Variants in SCAF8 observed in about 807,000 individuals in gnomAD.
SCAF8 encodes the protein SR-related CTD associated factor 8, also known as SR-related and CTD-associated factor 8.
A neutral mutation model predicts 140.5 loss-of-function variants in SCAF8; 23 were observed. The ratio of observed to expected loss-of-function variants is 0.16; its 90% confidence interval spans 0.12 to 0.23. SCAF8 has a LOEUF of 0.23. Among genes scored for constraint, SCAF8 ranks in the 10% least tolerant of loss-of-function variants. SCAF8 has a pLI of 1.00. For synonymous variants in SCAF8, 575 were observed against 528.9 expected (o/e 1.09, Z -1.20); for missense variants, 1,397 against 1,555.7 (o/e 0.90, Z 1.72).
At chr6:154,770,583 A>C (rs77159176) in intron 1 of SCAF8, among the ~76,000 whole-genome samples, 1 of 143,480 alleles carries the variant, frequency 7.0e-6, no homozygotes, top group Non-Finnish European at 1.6e-5. Flanking sequence ...GAAGAAGGAG[A>C]AAAAAAAAAA....
chr6:154,794,231 A>G (rs1777519126), intron 5 of SCAF8, among the ~76,000 whole-genome samples: 1 of 152,156 alleles, frequency 6.6e-6, no homozygotes, highest in Non-Finnish European at 1.5e-5. Flanking sequence ...TACCTGGCCC[A>G]AACATGGTTT....
chr6:154,733,406 C>A, upstream of SCAF8: 3 of 1,392,106 alleles, frequency 2.2e-6, no homozygotes, highest in African/African-American at 1.5e-5. Flanking sequence ...CGGCCCGACT[C>A]GAGTCCGCCA....
At position 154,820,139 on chromosome 6, in the gene SCAF8, G is replaced by A. The variant is rs138128797; in HGVS notation, c.1636-38G>A. On this transcript the variant is annotated intron_variant, in intron 14 of 19. Coordinates refer to ENST00000367178, the MANE Select transcript of SCAF8 (RefSeq NM_014892.5). ...TTTACCTTGTTTTTATAGTATGTAT[G>A]TATAACCTTTCTTTTTTCCTCTTCC... 2,502 of 1,514,472 alleles carry A rather than the reference G, an allele frequency of 1.7e-3. 2 individuals carry two copies. The highest frequency in any genetic ancestry group is 4.1e-3 in the Middle Eastern group (23 of 5,656). The allele number at this position is 1,514,472 out of a possible 1,614,324, so 93.8% of individuals were successfully genotyped here.
intron 9 of SCAF8, among the ~76,000 whole-genome samples, chr6:154,806,488 A>G (rs1192029596): frequency 1.3e-5 from 2 of 152,200 alleles, no homozygotes; most frequent in Non-Finnish European, 2.9e-5. Flanking sequence ...ATGAACAGAA[A>G]TGAGGTTGTG....
At chr6:154,793,905 G>GTGTTTGTGTGTA (rs1554261639) in intron 5 of SCAF8, among the ~76,000 whole-genome samples, 2 of 149,334 alleles carry the variant, frequency 1.3e-5, no homozygotes, top group South Asian at 4.2e-4. Context: ...TGTATTTTGT[G>GTGTTTGTGTGTA]TGTGTGTGTG....
At chr6:154,754,948 C>T (rs576985538) in intron 1 of SCAF8, among the ~76,000 whole-genome samples, 1 of 152,278 alleles carries the variant, frequency 6.6e-6, no homozygotes, top group East Asian at 1.9e-4. Context: ...CACAAACTTA[C>T]TTTTAGACTT....
chr6:154,785,695 T>G (rs1184297571), intron 3 of SCAF8, among the ~76,000 whole-genome samples: 1 of 152,216 alleles, frequency 6.6e-6, no homozygotes, highest in Non-Finnish European at 1.5e-5. Context: ...TTAAGGTGTA[T>G]TTGTATATTG....
At chr6:154,779,405 TA>T (rs1211526559) in intron 3 of SCAF8, among the ~76,000 whole-genome samples, 1 of 152,216 alleles carries the variant, frequency 6.6e-6, no homozygotes, top group Non-Finnish European at 1.5e-5. Context: ...GAATTCTTGT[TA>T]AAAATGTGGA....
chr6:154,816,754 G>A (rs1778262594), intron 13 of SCAF8, among the ~76,000 whole-genome samples: 2 of 152,106 alleles, frequency 1.3e-5, no homozygotes, highest in Non-Finnish European at 2.9e-5. Flanking sequence ...TTCCTTAAAT[G>A]GCCAAACTTG....
intron 11 of SCAF8, among the ~76,000 whole-genome samples, chr6:154,809,062 T>A (rs991624356): frequency 6.6e-6 from 1 of 152,178 alleles, no homozygotes; most frequent in Non-Finnish European, 1.5e-5. Flanking sequence ...TAGTTAATAT[T>A]ATGATGACAC....
chr6:154,821,919 T>A (rs1778432018), intron 15 of SCAF8, among the ~76,000 whole-genome samples: 1 of 152,238 alleles, frequency 6.6e-6, no homozygotes, highest in Admixed American at 6.5e-5. Flanking sequence ...GGATTAATAC[T>A]CTCCTAGTTG....
Position 154,801,840 on chromosome 6 carries a change from CT to C in SCAF8, c.607-129del, listed in dbSNP as rs1460125878. The C allele has an allele frequency of 7.2e-6, 4 of 554,622 alleles. No homozygotes were observed. The Admixed American group carries it at 1.2e-4, about 17-fold the overall frequency. The allele number at this position is 554,622 out of a possible 1,614,324, so 34.4% of individuals were successfully genotyped here. A position where few individuals can be genotyped will look rare whatever the true frequency, so the allele number is the denominator to read the frequency against. On this transcript the variant is annotated intron_variant, in intron 6 of 19. Transcript: ENST00000367178. ...ACACAGAAAAACTTCAAAAAATTAA[CT>C]TATTAATAGTGTGTATTTTTTTCAA...
intron 6 of SCAF8, among the ~76,000 whole-genome samples, chr6:154,798,257 T>G (rs1006141866): frequency 2.6e-5 from 4 of 151,560 alleles, no homozygotes; most frequent in African/African-American, 7.2e-5. Flanking sequence ...GAACTAGAGA[T>G]AATACTTTGG....
chr6:154,740,866 A>G (rs1778552638), intron 1 of SCAF8, among the ~76,000 whole-genome samples: 1 of 151,830 alleles, frequency 6.6e-6, no homozygotes, highest in Non-Finnish European at 1.5e-5. Context: ...AGACCTGCCC[A>G]CCTTGACCTC....
intron 1 of SCAF8, among the ~76,000 whole-genome samples, chr6:154,755,122 C>T (rs1025751521): frequency 6.6e-6 from 1 of 152,158 alleles, no homozygotes; most frequent in Non-Finnish European, 1.5e-5. Context: ...TTTTTATTCT[C>T]AGTGTTAACA....
At chr6:154,787,615 G>C (rs1486624864) in intron 3 of SCAF8, among the ~76,000 whole-genome samples, 2 of 152,046 alleles carry the variant, frequency 1.3e-5, no homozygotes, top group African/African-American at 4.8e-5. Context: ...TTATCACTTT[G>C]TTTTATGTCA....
At chr6:154,791,992 A>G (rs3800004) in intron 4 of SCAF8, among the ~76,000 whole-genome samples, 61,723 of 151,702 alleles carry the variant, frequency 0.41, 13,614 homozygotes, top group East Asian at 0.9. Flanking sequence ...AGTGGCAAGC[A>G]GGTTTTTTAT....
At chr6:154,790,476 T>C (rs562699016) in intron 4 of SCAF8, among the ~76,000 whole-genome samples, 7 of 148,526 alleles carry the variant, frequency 4.7e-5, no homozygotes, top group South Asian at 2.1e-4. Flanking sequence ...GTAAAACATA[T>C]ACATTTAACA....
rs754669290 is a variant in SCAF8, at chr6:154,733,948, G to C, written c.30+18G>C. On this transcript the variant is annotated intron_variant, in intron 1 of 19. Coordinates refer to ENST00000367178, the MANE Select transcript of SCAF8 (RefSeq NM_014892.5). ...ATAGCGAGGTTGGTATGGCAGCCGG[G>C]TTCCCCTGCTCCTGCCCGCACCGCC... The C allele has an allele frequency of 1.3e-6, 2 of 1,528,452 alleles. No individual in the cohort carries two copies. The highest frequency in any genetic ancestry group is 1.7e-6 in the Non-Finnish European group (2 of 1,144,400). The allele number at this position is 1,528,452 out of a possible 1,614,324, so 94.7% of individuals were successfully genotyped here.
Sources: gnomAD v4.1 joint callset for allele counts (sites outside exome capture counted in the v4.1 genomes callset) on GRCh38, gnomAD v4.1.1 for gene constraint, MANE v1.5 for transcripts, NCBI Gene and HGNC (gene_info 2026-07-23, HGNC 2026-07-21) for gene names.